The following DCC variants were observed in gnomAD, a reference collection of about 807,000 sequenced individuals.
DCC encodes the protein DCC netrin 1 receptor.
Under a neutral mutation model 172.5 loss-of-function variants are expected in DCC, and 58 were observed. The ratio of observed to expected loss-of-function variants is 0.34; its 90% CI spans 0.27 to 0.42. The LOEUF is 0.42. Among genes scored for constraint, DCC ranks in the 10% least tolerant of loss-of-function variants. The probability of loss-of-function intolerance (pLI) is 1.00; values close to 1 mark genes in which losing one functional copy is unlikely to be tolerated. For missense variants in DCC, 1,740 were observed against 1,791.0 expected, an observed-to-expected ratio of 0.97 and a Z score of 0.51; for synonymous variants, 709 against 644.5, an observed-to-expected ratio of 1.10 and a Z score of -1.52.
At chr18:52,453,278 T>C (rs2144521167) in intron 1 of DCC, among the ~76,000 whole-genome samples, 1 of 152,360 alleles carries the variant, frequency 6.6e-6, no homozygotes, top group East Asian at 1.9e-4. Context: ...TAGAACACAT[T>C]CTTTAAATGT....
intron 27 of DCC, among the ~76,000 whole-genome samples, chr18:53,517,636 T>C (rs953108737): frequency 1.3e-5 from 2 of 152,054 alleles, no homozygotes; most frequent in East Asian, 3.9e-4. Context: ...AGCCCTTTCT[T>C]ACAATGGGAG....
chr18:52,661,129 C>T (rs1023657594), intron 1 of DCC, among the ~76,000 whole-genome samples: 1 of 152,144 alleles, frequency 6.6e-6, no homozygotes, highest in Non-Finnish European at 1.5e-5. Flanking sequence ...TGAATTAATA[C>T]CCTGGTGGGG....
chr18:53,320,989 T>A (rs1370651124), intron 13 of DCC, among the ~76,000 whole-genome samples: 1 of 152,176 alleles, frequency 6.6e-6, no homozygotes, highest in African/African-American at 2.4e-5. Flanking sequence ...AAGGCAACTG[T>A]TTGTTCCTTG....
intron 7 of DCC, among the ~76,000 whole-genome samples, chr18:53,140,491 A>G (rs546615427): frequency 1.3e-5 from 2 of 152,286 alleles, no homozygotes; most frequent in South Asian, 2.1e-4. Context: ...CCCAAATATA[A>G]TAGAGTCTGC....
intron 5 of DCC, among the ~76,000 whole-genome samples, chr18:53,005,863 A>G (rs1333439824): frequency 6.6e-6 from 1 of 152,078 alleles, no homozygotes; most frequent in Non-Finnish European, 1.5e-5. Context: ...TGCTTCGCTT[A>G]TTTTTTCTCT....
At chr18:53,204,495 T>G (rs1301487383) in intron 9 of DCC, among the ~76,000 whole-genome samples, 1 of 151,298 alleles carries the variant, frequency 6.6e-6, no homozygotes, top group Non-Finnish European at 1.5e-5. Flanking sequence ...TGCAGTGAGA[T>G]GTGATCATGC....
chr18:53,401,627 C>T (rs200202762), intron 18 of DCC, among the ~76,000 whole-genome samples: 14 of 69,892 alleles, frequency 2.0e-4, no homozygotes, highest in African/African-American at 4.2e-4. Flanking sequence ...TGATTTCTAA[C>T]TATCTTTTCC....
chr18:52,372,828 G>C (rs2144302353), intron 1 of DCC, among the ~76,000 whole-genome samples: 1 of 152,298 alleles, frequency 6.6e-6, no homozygotes, highest in African/African-American at 2.4e-5. Context: ...CCTCGGGGCA[G>C]CTTTGGGATC....
At chr18:52,366,035 A>G (rs1292864671) in intron 1 of DCC, among the ~76,000 whole-genome samples, 1 of 152,168 alleles carries the variant, frequency 6.6e-6, no homozygotes, top group Non-Finnish European at 1.5e-5. Flanking sequence ...TTACAACTCT[A>G]TATATTACTT....
intron 1 of DCC, among the ~76,000 whole-genome samples, chr18:52,427,392 A>C (rs1166345683): frequency 2.0e-5 from 3 of 152,056 alleles, no homozygotes; most frequent in Non-Finnish European, 2.9e-5. Flanking sequence ...TTAAGAAGGA[A>C]GGAAGAGAAG....
intron 5 of DCC, among the ~76,000 whole-genome samples, chr18:53,024,565 C>T (rs1029156763): frequency 1.3e-5 from 2 of 152,164 alleles, no homozygotes; most frequent in Non-Finnish European, 2.9e-5. Flanking sequence ...CACTGAATCA[C>T]AGCGAATGGG....
At chr18:52,782,578 G>T (rs554187530) in intron 2 of DCC, among the ~76,000 whole-genome samples, 19 of 152,010 alleles carry the variant, frequency 1.2e-4, no homozygotes, top group South Asian at 4.1e-4. Flanking sequence ...TCTAGCCAAG[G>T]ACTTGCATTC....
chr18:52,909,691 C>T (rs1302728270), intron 3 of DCC, among the ~76,000 whole-genome samples: 1 of 152,112 alleles, frequency 6.6e-6, no homozygotes, highest in African/African-American at 2.4e-5. Flanking sequence ...CGACCAGTTT[C>T]ACTTTATTCA....
chr18:52,397,172 G>A lies in DCC; in HGVS notation c.91+56294G>A, dbSNP rs151001869. On this transcript the variant is annotated intron_variant, in intron 1 of 28. Transcript: ENST00000442544. ...AAACTTGTGCTTGCATCAAAATTAC[G>A]TGGGGAGCATGTAAAACAGTGATTT... Among the ~76,000 whole-genome samples the A allele has an allele frequency of 3.8e-3, 574 of 151,934 alleles. 4 individuals are homozygous for A. The highest frequency in any genetic ancestry group is 5.2e-3 in the Non-Finnish European group (350 of 67,934).
intron 1 of DCC, 137 bp from the exon 2 acceptor site, chr18:52,751,917 T>A (rs2037000660): frequency 4.1e-6 from 3 of 730,896 alleles, no homozygotes; most frequent in South Asian, 3.5e-5. Flanking sequence ...TATCCTTGAT[T>A]TTAGTTTTTA....
intron 1 of DCC, among the ~76,000 whole-genome samples, chr18:52,591,980 A>G (rs2033811611): frequency 1.3e-5 from 2 of 152,070 alleles, no homozygotes; most frequent in African/African-American, 4.8e-5. Context: ...TCTCATAGGC[A>G]GTTCTGTAGT....
chr18:53,446,095 C>A (rs1288968245), intron 22 of DCC, among the ~76,000 whole-genome samples: 2 of 27,598 alleles, frequency 7.2e-5, no homozygotes, highest in Admixed American at 3.8e-4. Flanking sequence ...GACCCTGTCT[C>A]TACAAAAAAA....
chr18:53,083,846 C>T (rs574894974), intron 7 of DCC, among the ~76,000 whole-genome samples: 3 of 152,226 alleles, frequency 2.0e-5, no homozygotes, highest in Admixed American at 2.0e-4. Flanking sequence ...TGTTTACAGC[C>T]TTCTTTTGTA....
intron 2 of DCC, among the ~76,000 whole-genome samples, chr18:52,766,349 G>A (rs62081919): frequency 0.21 from 31,610 of 152,152 alleles, 4,697 homozygotes; most frequent in African/African-American, 0.42. Context: ...TTAAGTGTTA[G>A]CAGCTCAGTG....
Sources: gnomAD v4.1 joint callset for allele counts (sites outside exome capture counted in the v4.1 genomes callset) on GRCh38, gnomAD v4.1.1 for gene constraint, MANE v1.5 for transcripts, NCBI Gene and HGNC (gene_info 2026-07-23, HGNC 2026-07-21) for gene names.